CRACDL: variants seen among roughly 807,000 people sequenced by gnomAD.
CRACDL encodes the protein CRACD like.
In CRACDL, 26 loss-of-function variants were observed where a neutral mutation model predicts 70.6. The observed-to-expected ratio is 0.37, with a 90% confidence interval of 0.27 to 0.51. The LOEUF (loss-of-function observed/expected upper bound fraction) is 0.51, where lower values mean the gene tolerates loss of function less well. Among genes scored for constraint, CRACDL ranks in the 20% least tolerant of loss-of-function variants. The pLI, the probability that CRACDL is intolerant of heterozygous loss-of-function variation, is 0.94. For synonymous variants in CRACDL, 618 were observed against 615.2 expected (o/e 1.00, Z -0.07); for missense variants, 1,283 against 1,376.9 (o/e 0.93, Z 1.08).
At chr2:98,890,453 T>A (rs924187876) in intron 1 of CRACDL, among the ~76,000 whole-genome samples, 1 of 152,068 alleles carries the variant, frequency 6.6e-6, no homozygotes, top group Non-Finnish European at 1.5e-5. Flanking sequence ...AAAGAAGGAA[T>A]AAAAATTATG....
At chr2:98,886,022 T>C (rs950200235) in intron 1 of CRACDL, among the ~76,000 whole-genome samples, 1 of 152,168 alleles carries the variant, frequency 6.6e-6, no homozygotes, top group Non-Finnish European at 1.5e-5. Context: ...TCGGTAAAAT[T>C]AGTGAGCTCT....
At chr2:98,905,868 C>T (rs1469499443) in intron 1 of CRACDL, among the ~76,000 whole-genome samples, 6 of 152,230 alleles carry the variant, frequency 3.9e-5, no homozygotes, top group South Asian at 2.1e-4. Flanking sequence ...CTTCCCACTT[C>T]GGCCAACCAA....
chr2:98,846,505 T>G (rs1706258263), intron 2 of CRACDL, among the ~76,000 whole-genome samples: 1 of 152,062 alleles, frequency 6.6e-6, no homozygotes, highest in African/African-American at 2.4e-5. Context: ...AGCTGAAAGG[T>G]CCCCGTGCTT....
chr2:98,866,235 G>A (rs1707133503), intron 1 of CRACDL, among the ~76,000 whole-genome samples: 1 of 152,146 alleles, frequency 6.6e-6, no homozygotes, highest in Admixed American at 6.6e-5. Context: ...TTATTGCCCT[G>A]TAGTTACTGT....
At chr2:98,889,289 AAGAAAG>A (rs2104631632) in intron 1 of CRACDL, among the ~76,000 whole-genome samples, 1 of 22,074 alleles carries the variant, frequency 4.5e-5, no homozygotes, top group East Asian at 4.5e-4. Flanking sequence ...AAGAGAGAGA[AAGAAAG>A]AAAGAAAGAA....
At chr2:98,864,810 G>C (rs982348723) in intron 1 of CRACDL, among the ~76,000 whole-genome samples, 1 of 152,178 alleles carries the variant, frequency 6.6e-6, no homozygotes, top group Non-Finnish European at 1.5e-5. Context: ...GCCTCCCAAA[G>C]TGCTGGGATT....
chr2:98,933,701 C>T (rs1303366684), intron 1 of CRACDL, among the ~76,000 whole-genome samples: 2 of 152,144 alleles, frequency 1.3e-5, no homozygotes, highest in Non-Finnish European at 2.9e-5. Context: ...TAAGTCAAAT[C>T]CAGGCCCACC....
chr2:98,902,833 G>A (rs1708315461), intron 1 of CRACDL, among the ~76,000 whole-genome samples: 1 of 152,042 alleles, frequency 6.6e-6, no homozygotes, highest in African/African-American at 2.4e-5. Flanking sequence ...TGGCCCACAG[G>A]TCTTCTCTCC....
chr2:98,922,580 G>A (rs1286991999), intron 1 of CRACDL, among the ~76,000 whole-genome samples: 2 of 152,178 alleles, frequency 1.3e-5, no homozygotes, highest in African/African-American at 4.8e-5. Context: ...CATGAGCAGC[G>A]CAGGATGCCC....
chr2:98,928,638 A>G (rs1191248102), intron 1 of CRACDL, among the ~76,000 whole-genome samples: 1 of 152,218 alleles, frequency 6.6e-6, no homozygotes. Flanking sequence ...TTTCTGTTCT[A>G]GAATGTGGTA....
At chr2:98,933,665 G>A (rs900610690) in intron 1 of CRACDL, among the ~76,000 whole-genome samples, 2 of 152,154 alleles carry the variant, frequency 1.3e-5, no homozygotes, top group African/African-American at 4.8e-5. Flanking sequence ...AGCCTGCAGG[G>A]GAAGAGCCAG....
Position 98,812,335 on chromosome 2 carries a change from G to A in CRACDL, c.2416+9522C>T, listed in dbSNP as rs139492570. On this transcript the variant is annotated intron_variant, in intron 7 of 9. Transcript: ENST00000397899. ...ATGAACGTATGACTTTTGTGGGAAT[G>A]TACATTTCCATTTATCTAGGATAAA... Among the ~76,000 whole-genome samples, 738 of 152,274 alleles carry A rather than the reference G, an allele frequency of 4.8e-3. 8 individuals carry two copies. The highest frequency in any genetic ancestry group is 0.017 in the African/African-American group (706 of 41,532).
chr2:98,900,220 A>G (rs1573171005), intron 1 of CRACDL, among the ~76,000 whole-genome samples: 2 of 21,740 alleles, frequency 9.2e-5, no homozygotes, highest in Non-Finnish European at 1.7e-4. Flanking sequence ...GCTCAGTGGG[A>G]GGGGAGGCAG....
intron 7 of CRACDL, among the ~76,000 whole-genome samples, chr2:98,818,290 C>G (rs755602423): frequency 7.2e-5 from 11 of 152,192 alleles, no homozygotes; most frequent in Non-Finnish European, 1.2e-4. Flanking sequence ...GAGGCTCAGC[C>G]CCTTTGGCAA....
intron 1 of CRACDL, among the ~76,000 whole-genome samples, chr2:98,927,702 C>T (rs576259801): frequency 9.2e-5 from 14 of 152,284 alleles, no homozygotes; most frequent in African/African-American, 3.4e-4. Context: ...TGTCTATTGT[C>T]ATGTTAACTA....
At position 98,822,505 on chromosome 2, in the gene CRACDL, G is replaced by A. The variant is rs1705104483; in HGVS notation, c.1768C>T (p.Pro590Ser). The change falls in exon 7 of 10, where the codon CCG (proline) becomes TCG (serine). Residue 590 changes from proline (P) to serine (S), a missense_variant. Physicochemically the swap from Pro to Ser is moderately conservative, Grantham distance 74. Around this residue, in one of 2 missense-constraint regions of CRACDL, gnomAD observed 921 missense variants for 881.9 expected, o/e 1.04. Transcript: ENST00000397899. The surrounding 1 kb of genome is among the most constrained non-coding windows in gnomAD (Gnocchi z 4.9). Reference sequence around the variant, plus strand: ...AGGCGGCCGCTGGCCCGTTCCAGCGGGCGGGAGACGCCCGGACGAGGCCGC... The same window carrying A: ...AGGCGGCCGCTGGCCCGTTCCAGCGAGCGGGAGACGCCCGGACGAGGCCGC... ...RARPRPGVSR[P>S]LERASGRLPL... The A allele has an allele frequency of 6.9e-7, 1 of 1,457,166 alleles. No individual in the cohort carries two copies. The highest frequency in any genetic ancestry group is 9.0e-7 in the Non-Finnish European group (1 of 1,113,992). The allele number at this position is 1,457,166 out of a possible 1,614,324, so 90.3% of individuals were successfully genotyped here.
chr2:98,889,151 A>AAAAGAAGGAAGGAAGGAAGGGGAAGG (rs1707881042), intron 1 of CRACDL, among the ~76,000 whole-genome samples: 1 of 150,262 alleles, frequency 6.7e-6, no homozygotes, highest in African/African-American at 2.4e-5. Flanking sequence ...GGAAGAAAAG[A>AAAAGAAGGAAGGAAGGAAGGGGAAGG]AAAGAAGGAA....
At chr2:98,832,591 A>T in intron 4 of CRACDL, 79 bp from the exon 5 acceptor site, 1 of 1,313,298 alleles carries the variant, frequency 7.6e-7, no homozygotes, top group Admixed American at 2.1e-5. Context: ...TAATTCATTC[A>T]TGCTGGAAAT....
intron 1 of CRACDL, among the ~76,000 whole-genome samples, chr2:98,905,402 G>A (rs1229319783): frequency 1.3e-5 from 2 of 152,072 alleles, no homozygotes; most frequent in Admixed American, 6.5e-5. Context: ...CACATTCCCT[G>A]TAGTCTGCAG....
Sources: gnomAD v4.1 joint callset for allele counts (sites outside exome capture counted in the v4.1 genomes callset) on GRCh38, gnomAD v4.1.1 for gene constraint, gnomAD v4.1.1 regional missense constraint, Gnocchi (gnomAD v3.1) non-coding constraint, MANE v1.5 for transcripts, NCBI Gene and HGNC (gene_info 2026-07-23, HGNC 2026-07-21) for gene names.